ST7: variants seen among roughly 807,000 people sequenced by gnomAD.
The protein encoded by ST7 is suppression of tumorigenicity 7.
ST7 carries 28 observed loss-of-function variants against 78.7 expected under a neutral mutation model. The ratio of observed to expected loss-of-function variants is 0.36; its 90% CI spans 0.26 to 0.49. The LOEUF (loss-of-function observed/expected upper bound fraction) is 0.49, where lower values mean the gene tolerates loss of function less well. ST7 is among the 20% of genes least tolerant of loss of function. The probability of loss-of-function intolerance (pLI) is 0.99; values close to 1 mark genes in which losing one functional copy is unlikely to be tolerated. For missense variants in ST7, 418 were observed against 696.0 expected, an observed-to-expected ratio of 0.60 and a Z score of 4.49; for synonymous variants, 247 against 249.6, an observed-to-expected ratio of 0.99 and a Z score of 0.10.
chr7:117,093,872 T>C (rs1800829627), intron 1 of ST7, among the ~76,000 whole-genome samples: 1 of 152,174 alleles, frequency 6.6e-6, no homozygotes, highest in African/African-American at 2.4e-5. Flanking sequence ...AATGAAACAA[T>C]CTCAAATGTA....
At chr7:117,097,264 A>C (rs1423471176) in intron 1 of ST7, among the ~76,000 whole-genome samples, 1 of 152,080 alleles carries the variant, frequency 6.6e-6, no homozygotes, top group Non-Finnish European at 1.5e-5. Context: ...AACCTACTGA[A>C]AGGTATATGG....
rs552641912 is a variant in ST7, at chr7:117,046,542, A to G, written c.152-53220A>G. On this transcript the variant is annotated intron_variant, in intron 1 of 15. Coordinates refer to ENST00000323984, the MANE Select transcript of ST7 (RefSeq NM_001369598.1). Reference sequence around the variant, plus strand: ...GTGGGTCACTGCATGCTGCTCCCACACAGTACCACCTGTTATTCCTACACT... The same window carrying G: ...GTGGGTCACTGCATGCTGCTCCCACGCAGTACCACCTGTTATTCCTACACT... Among the ~76,000 whole-genome samples the G allele has an allele frequency of 1.4e-4, 22 of 152,232 alleles. 1 individual carries two copies. Among genetic ancestry groups the G allele is most frequent in the African/African-American group, 5.3e-4 (22 of 41,538 alleles).
chr7:117,098,697 G>C, intron 1 of ST7: 1 of 1,076,572 alleles, frequency 9.3e-7, no homozygotes, highest in Non-Finnish European at 1.2e-6. Context: ...GCTCAGGACA[G>C]ATGCCAAAGC....
chr7:117,031,649 T>C (rs62651304), intron 1 of ST7, among the ~76,000 whole-genome samples: 1 of 382 alleles, frequency 2.6e-3, no homozygotes, highest in African/African-American at 2.7e-3. Context: ...CATATATATG[T>C]ATATATGTGT....
At chr7:117,211,756 G>A (rs1792316061) in intron 13 of ST7, among the ~76,000 whole-genome samples, 1 of 152,184 alleles carries the variant, frequency 6.6e-6, no homozygotes, top group Non-Finnish European at 1.5e-5. Flanking sequence ...AGTTATCCAT[G>A]TGGTCAGATA....
chr7:117,122,246 A>G (rs112867163), intron 3 of ST7, among the ~76,000 whole-genome samples: 431 of 152,330 alleles, frequency 2.8e-3, no homozygotes, highest in African/African-American at 9.5e-3. Context: ...CTGGATTGTG[A>G]CAGAAGCCAA....
At chr7:117,022,470 C>A (rs1044735497) in intron 1 of ST7, among the ~76,000 whole-genome samples, 3 of 152,172 alleles carry the variant, frequency 2.0e-5, no homozygotes, top group African/African-American at 7.2e-5. Flanking sequence ...CCTAAGTCTG[C>A]ATTCAGTGTT....
chr7:117,129,903 G>A (rs764629760), intron 4 of ST7, 56 bp downstream of exon 4: 296 of 1,442,992 alleles, frequency 2.1e-4, no homozygotes, highest in Non-Finnish European at 2.7e-4. Context: ...AGCAAAGACA[G>A]CAGCAAATGT....
chr7:117,070,186 C>A (rs1449122714), intron 1 of ST7, among the ~76,000 whole-genome samples: 1 of 152,172 alleles, frequency 6.6e-6, no homozygotes, highest in Non-Finnish European at 1.5e-5. Context: ...GGTTAATTAG[C>A]AGCTTGTTTC....
intron 2 of ST7, among the ~76,000 whole-genome samples, chr7:117,107,187 G>T (rs553314639): frequency 6.6e-6 from 1 of 152,156 alleles, no homozygotes; most frequent in Admixed American, 6.5e-5. Flanking sequence ...ATTTGGACTG[G>T]TTCCATATTT....
chr7:117,118,255 A>G (rs1209796423), intron 2 of ST7: 1 of 152,722 alleles, frequency 6.5e-6, no homozygotes, highest in African/African-American at 2.4e-5. Context: ...TGATACACAT[A>G]TTCCAAAATC....
At chr7:116,958,537 C>T in intron 1 of ST7, 5 of 458,960 alleles carry the variant, frequency 1.1e-5, no homozygotes, top group Non-Finnish European at 2.3e-5. Flanking sequence ...CCCTGTTGTG[C>T]CTGTTGTCTA....
chr7:117,152,443 C>T (rs1806367234), intron 9 of ST7, among the ~76,000 whole-genome samples: 1 of 151,890 alleles, frequency 6.6e-6, no homozygotes, highest in African/African-American at 2.4e-5. Flanking sequence ...CTTCTCAGAA[C>T]AGCTATAGCT....
chr7:117,153,694 A>C (rs539386955), intron 9 of ST7, among the ~76,000 whole-genome samples: 1 of 152,266 alleles, frequency 6.6e-6, no homozygotes, highest in Admixed American at 6.5e-5. Context: ...TGTGGAGAAA[A>C]CTATTTGTTA....
intron 1 of ST7, among the ~76,000 whole-genome samples, chr7:117,069,910 T>A (rs1798839751): frequency 6.6e-6 from 1 of 152,210 alleles, no homozygotes; most frequent in Non-Finnish European, 1.5e-5. Flanking sequence ...ACCCTTGAAG[T>A]CCTTTTAAAT....
chr7:117,152,207 A>G, intron 9 of ST7, among the ~76,000 whole-genome samples: 1 of 108,044 alleles, frequency 9.3e-6, no homozygotes, highest in Non-Finnish European at 2.0e-5. Context: ...ATATATATAT[A>G]TATATATATA....
chr7:117,187,949 G>A (rs1476069639), intron 10 of ST7, among the ~76,000 whole-genome samples: 1 of 152,066 alleles, frequency 6.6e-6, no homozygotes, highest in Non-Finnish European at 1.5e-5. Flanking sequence ...ATGAGTGTCT[G>A]GCATTTTTTT....
At chr7:117,133,185 C>T (rs183745417) in intron 6 of ST7, among the ~76,000 whole-genome samples, 63 of 151,960 alleles carry the variant, frequency 4.1e-4, no homozygotes, top group Non-Finnish European at 4.3e-4. Context: ...TCACTGTGTT[C>T]TGTAGTTTGG....
At chr7:117,152,090 G>T (rs548852631) in intron 9 of ST7, among the ~76,000 whole-genome samples, 1 of 147,414 alleles carries the variant, frequency 6.8e-6, no homozygotes, top group African/African-American at 2.5e-5. Flanking sequence ...TTGCACTCCA[G>T]CCTGGGTGAC....
Sources: gnomAD v4.1 joint callset for allele counts (sites outside exome capture counted in the v4.1 genomes callset) on GRCh38, gnomAD v4.1.1 for gene constraint, MANE v1.5 for transcripts, NCBI Gene and HGNC (gene_info 2026-07-23, HGNC 2026-07-21) for gene names.